The following SLC25A48 variants were observed in gnomAD, a reference collection of about 807,000 sequenced individuals.
SLC25A48 encodes CTC-321K16.1.
SLC25A48 carries 29 observed loss-of-function variants against 32.2 expected under a neutral mutation model. The ratio of observed to expected loss-of-function variants is 0.90; its 90% confidence interval spans 0.67 to 1.23. SLC25A48 has a LOEUF of 1.23. Ranked by LOEUF, SLC25A48 falls within the 50% of genes most tolerant of loss-of-function variation. SLC25A48 has a pLI of 0.00. For synonymous variants in SLC25A48, 164 were observed against 172.3 expected, an observed-to-expected ratio of 0.95 and a Z score of 0.38; for missense variants, 399 against 422.7, an observed-to-expected ratio of 0.94 and a Z score of 0.49.
At chr5:135,860,940 C>T (rs1760728453) in intron 4 of SLC25A48, among the ~76,000 whole-genome samples, 2 of 152,136 alleles carry the variant, frequency 1.3e-5, no homozygotes, top group South Asian at 4.2e-4. Context: ...GGTGAGAGCC[C>T]AGCTCAGGTG....
chr5:135,812,921 T>G (rs1312256329), exon 4 of SLC25A48: 1 of 152,438 alleles, frequency 6.6e-6, no homozygotes, highest in Non-Finnish European at 1.5e-5. Flanking sequence ...TGTGAAAAAG[T>G]TAAAGGTGAG....
At chr5:135,761,795 G>A (rs1288177864) in intron 3 of SLC25A48, among the ~76,000 whole-genome samples, 4 of 152,238 alleles carry the variant, frequency 2.6e-5, no homozygotes, top group Non-Finnish European at 4.4e-5. Context: ...GATGGAAGAG[G>A]TGAGACCTCA....
intron 4 of SLC25A48, among the ~76,000 whole-genome samples, chr5:135,854,175 T>C (rs1397386469): frequency 6.6e-6 from 1 of 152,170 alleles, no homozygotes; most frequent in Admixed American, 6.5e-5. Flanking sequence ...ACAGAGCAGA[T>C]TGATTGTCAT....
chr5:135,754,314 C>T (rs1201027967), intron 3 of SLC25A48, among the ~76,000 whole-genome samples: 2 of 151,658 alleles, frequency 1.3e-5, no homozygotes, highest in African/African-American at 4.8e-5. Flanking sequence ...TGATAAATGC[C>T]ATTTGCCTGT....
intron 3 of SLC25A48, among the ~76,000 whole-genome samples, chr5:135,778,683 T>C (rs1421643830): frequency 1.6e-5 from 2 of 123,066 alleles, no homozygotes; most frequent in Non-Finnish European, 3.5e-5. Flanking sequence ...ACAGGGGCTG[T>C]ACACCCTTTT....
intron 3 of SLC25A48, among the ~76,000 whole-genome samples, chr5:135,745,798 C>T (rs956459375): frequency 6.6e-6 from 1 of 152,194 alleles, no homozygotes; most frequent in African/African-American, 2.4e-5. Context: ...GCGGTCAACA[C>T]ACTTCTGTTG....
At chr5:135,787,277 T>A (rs911534238) in intron 3 of SLC25A48, among the ~76,000 whole-genome samples, 1 of 152,108 alleles carries the variant, frequency 6.6e-6, no homozygotes, top group African/African-American at 2.4e-5. Context: ...TCACAGTGCT[T>A]ATACAGCCTG....
At chr5:135,771,118 A>G (rs913142061) in intron 3 of SLC25A48, among the ~76,000 whole-genome samples, 1 of 150,592 alleles carries the variant, frequency 6.6e-6, no homozygotes, top group African/African-American at 2.4e-5. Flanking sequence ...CCCCCCGGTG[A>G]TGTTTCTCCT....
At chr5:135,634,385 A>C (rs1752649222) in intron 2 of SLC25A48, among the ~76,000 whole-genome samples, 1 of 152,214 alleles carries the variant, frequency 6.6e-6, no homozygotes, top group Non-Finnish European at 1.5e-5. Flanking sequence ...TGACCCAAGG[A>C]GTGGAAGTTC....
intron 3 of SLC25A48, among the ~76,000 whole-genome samples, chr5:135,806,210 G>T (rs1380520356): frequency 4.0e-5 from 6 of 151,630 alleles, no homozygotes; most frequent in Admixed American, 4.0e-4. Flanking sequence ...TATCTAGAAA[G>T]ATATTATTCC....
upstream of SLC25A48, among the ~76,000 whole-genome samples, chr5:135,830,977 G>A (rs1758189891): frequency 6.6e-6 from 1 of 152,188 alleles, no homozygotes; most frequent in South Asian, 2.1e-4. Flanking sequence ...AGGGCAACCA[G>A]GTCGTGACCT....
At chr5:135,705,730 G>T (rs1307566247) in intron 3 of SLC25A48, among the ~76,000 whole-genome samples, 1 of 152,202 alleles carries the variant, frequency 6.6e-6, no homozygotes. Context: ...AAGTTACTCA[G>T]CCTCTCTGAG....
At chr5:135,822,151 G>C (rs1460073993) in intron 4 of SLC25A48, 1 of 152,252 alleles carries the variant, frequency 6.6e-6, no homozygotes, top group Non-Finnish European at 1.5e-5. Flanking sequence ...TAGGGCCTTA[G>C]GTAAGCCCCC....
intron 3 of SLC25A48, among the ~76,000 whole-genome samples, chr5:135,787,379 A>G (rs1286348930): frequency 1.3e-5 from 2 of 151,976 alleles, no homozygotes; most frequent in African/African-American, 4.8e-5. Flanking sequence ...CAGTCGATTT[A>G]CAACCTGTGA....
intron 3 of SLC25A48, among the ~76,000 whole-genome samples, chr5:135,667,378 G>C (rs899039601): frequency 7.9e-5 from 12 of 152,164 alleles, no homozygotes; most frequent in Non-Finnish European, 1.2e-4. Context: ...TTTGAAGTAT[G>C]CCAAAGTACA....
At chr5:135,673,964 C>CT (rs1172243977) in intron 3 of SLC25A48, among the ~76,000 whole-genome samples, 2 of 151,708 alleles carry the variant, frequency 1.3e-5, no homozygotes, top group Non-Finnish European at 2.9e-5. Flanking sequence ...ACAAGTTGTT[C>CT]TAAGGCTCTC....
At chr5:135,777,210 C>G (rs1450835209) in intron 3 of SLC25A48, among the ~76,000 whole-genome samples, 3 of 151,634 alleles carry the variant, frequency 2.0e-5, no homozygotes, top group Admixed American at 6.6e-5. Context: ...ATGAAATTAC[C>G]TCCAATATCG....
chr5:135,814,436 T>C (rs1017452431), intron 4 of SLC25A48, among the ~76,000 whole-genome samples: 9 of 152,194 alleles, frequency 5.9e-5, no homozygotes, highest in African/African-American at 1.9e-4. Flanking sequence ...CCCAGGACAG[T>C]AGGAATGTCA....
intron 1 of SLC25A48, among the ~76,000 whole-genome samples, chr5:135,839,636 A>G (rs1004799925): frequency 1.3e-5 from 2 of 152,162 alleles, no homozygotes; most frequent in South Asian, 2.1e-4. Context: ...ATGTGAGGAC[A>G]TGAGATTTGG....
Sources: allele counts gnomAD v4.1 joint callset (sites outside exome capture counted in the v4.1 genomes callset), GRCh38; gene constraint gnomAD v4.1.1; transcripts MANE v1.5; gene names NCBI Gene and HGNC (gene_info 2026-07-23, HGNC 2026-07-21).